Variants in PALM2AKAP2 observed in about 807,000 individuals in gnomAD.
PALM2AKAP2 encodes the protein PALM2-AKAP2 fusion protein.
PALM2AKAP2 carries 37 observed loss-of-function variants against 71.5 expected under a neutral mutation model. That is an observed-to-expected ratio of 0.52 (90% CI 0.40 to 0.68). The LOEUF (loss-of-function observed/expected upper bound fraction) is 0.68, where lower values mean the gene tolerates loss of function less well. PALM2AKAP2 is among the 30% of genes least tolerant of loss of function. PALM2AKAP2 has a pLI of 0.00. For synonymous variants in PALM2AKAP2, 468 were observed against 478.8 expected (o/e 0.98, Z 0.29); for missense variants, 1,224 against 1,191.8 (o/e 1.03, Z -0.40).
chr9:110,162,439 A>AT (rs1370214361), intron 3 of PALM2AKAP2, among the ~76,000 whole-genome samples: 1 of 152,158 alleles, frequency 6.6e-6, no homozygotes. Context: ...GTGATGGGCT[A>AT]TTTTGGTTTT....
At chr9:109,667,262 C>A (rs973962851) in intron 1 of PALM2AKAP2, among the ~76,000 whole-genome samples, 9 of 152,174 alleles carry the variant, frequency 5.9e-5, no homozygotes, top group Non-Finnish European at 1.2e-4. Context: ...ATAAAAAGAA[C>A]AGCTATCCCC....
rs191982979 is a variant in PALM2AKAP2 at position 109,874,308 on chromosome 9, G to T, written c.127-6243G>T. ...TGGATCAGTGGCACCTGATGATTTT[G>T]TAAATCCTATTTGAGCAAAAAAGAA... On this transcript the variant is annotated intron_variant, in intron 2 of 9. Coordinates refer to the PALM2AKAP2 transcript ENST00000302798. 2.1e-3 allele frequency among the ~76,000 whole-genome samples: 327 copies of T among 152,304 alleles called. 2 individuals are homozygous for T. The highest frequency in any genetic ancestry group is 7.6e-3 in the African/African-American group (314 of 41,576).
At chr9:110,023,275 C>T (rs1219676901) in intron 7 of PALM2AKAP2, among the ~76,000 whole-genome samples, 1 of 144,444 alleles carries the variant, frequency 6.9e-6, no homozygotes, top group Non-Finnish European at 1.5e-5. Flanking sequence ...CCCATTCTAA[C>T]TGGTGTGAGA....
chr9:110,073,087 A>G (rs904065545), intron 1 of PALM2AKAP2, among the ~76,000 whole-genome samples: 4 of 152,242 alleles, frequency 2.6e-5, no homozygotes, highest in African/African-American at 7.2e-5. Context: ...CTTGCCAGGT[A>G]TAAGAAAAGA....
intron 1 of PALM2AKAP2, among the ~76,000 whole-genome samples, chr9:109,775,160 A>G (rs1419951584): frequency 2.6e-5 from 4 of 151,984 alleles, no homozygotes; most frequent in South Asian, 2.1e-4. Context: ...ATTCCCGTAC[A>G]CTCTCCTTAT....
intron 6 of PALM2AKAP2, among the ~76,000 whole-genome samples, chr9:109,968,955 CAGAG>C (rs916931518): frequency 8.5e-5 from 13 of 152,248 alleles, no homozygotes; most frequent in Middle Eastern, 3.4e-3. Context: ...GTGACACAGA[CAGAG>C]AGACTGTGGT....
intron 1 of PALM2AKAP2, among the ~76,000 whole-genome samples, chr9:110,053,588 A>G (rs987769155): frequency 1.3e-5 from 2 of 151,704 alleles, no homozygotes; most frequent in Admixed American, 6.6e-5. Flanking sequence ...AAAAAGAGAC[A>G]TGTAACGGGA....
chr9:109,916,914 C>A (rs997563901), intron 3 of PALM2AKAP2, among the ~76,000 whole-genome samples: 1 of 152,144 alleles, frequency 6.6e-6, no homozygotes, highest in Non-Finnish European at 1.5e-5. Context: ...AATAATGGAC[C>A]CCCAGAGATG....
intron 6 of PALM2AKAP2, among the ~76,000 whole-genome samples, chr9:109,959,100 A>G (rs1479009976): frequency 6.6e-6 from 1 of 152,144 alleles, no homozygotes; most frequent in African/African-American, 2.4e-5. Context: ...CCCCTATTCT[A>G]GATGTTTTCT....
intron 1 of PALM2AKAP2, among the ~76,000 whole-genome samples, chr9:109,767,051 C>T (rs1335235293): frequency 1.3e-5 from 2 of 152,132 alleles, no homozygotes; most frequent in African/African-American, 2.4e-5. Context: ...CTCAAAACAC[C>T]GATATGAGTT....
At chr9:109,955,921 G>A (rs942551294) in intron 6 of PALM2AKAP2, among the ~76,000 whole-genome samples, 5 of 151,258 alleles carry the variant, frequency 3.3e-5, no homozygotes, top group Non-Finnish European at 7.4e-5. Flanking sequence ...TGGCAACACA[G>A]CAAGACTCCT....
At chr9:110,017,292 T>C (rs10980148) in intron 7 of PALM2AKAP2, among the ~76,000 whole-genome samples, 10,722 of 152,220 alleles carry the variant, frequency 0.07, 390 homozygotes, top group Middle Eastern at 0.17. Context: ...TTACAAATGG[T>C]AGAGAAAGCA....
intron 1 of PALM2AKAP2, among the ~76,000 whole-genome samples, chr9:110,056,265 C>T (rs1356387831): frequency 6.6e-6 from 1 of 152,232 alleles, no homozygotes; most frequent in Non-Finnish European, 1.5e-5. Flanking sequence ...ACTGCGTCAG[C>T]TTACATTACC....
intron 1 of PALM2AKAP2, among the ~76,000 whole-genome samples, chr9:109,742,263 A>G (rs1198747044): frequency 5.5e-5 from 1 of 18,280 alleles, no homozygotes; most frequent in African/African-American, 5.3e-4. Flanking sequence ...ACACACACAC[A>G]CACACACACA....
chr9:109,940,965 A>T (rs1029477768), intron 6 of PALM2AKAP2, among the ~76,000 whole-genome samples: 2 of 152,020 alleles, frequency 1.3e-5, no homozygotes. Flanking sequence ...TTTTTGTATA[A>T]ATGGCCAGAT....
At chr9:109,919,840 A>G (rs1830786848) in intron 3 of PALM2AKAP2, among the ~76,000 whole-genome samples, 1 of 152,050 alleles carries the variant, frequency 6.6e-6, no homozygotes, top group Non-Finnish European at 1.5e-5. Context: ...GCTAACTAAC[A>G]CGCCCTCAAA....
At chr9:109,686,113 C>G (rs1321396288) in intron 1 of PALM2AKAP2, among the ~76,000 whole-genome samples, 1 of 152,132 alleles carries the variant, frequency 6.6e-6, no homozygotes, top group East Asian at 1.9e-4. Context: ...AATTTGAGTT[C>G]TCTTGCTATT....
chr9:109,910,669 G>A (rs887522406), intron 3 of PALM2AKAP2, among the ~76,000 whole-genome samples: 2 of 152,316 alleles, frequency 1.3e-5, no homozygotes, highest in South Asian at 2.1e-4. Context: ...AGGAGCAGAC[G>A]CAGCAGGGCA....
At chr9:109,951,394 G>A (rs1425504798) in intron 6 of PALM2AKAP2, among the ~76,000 whole-genome samples, 1 of 152,192 alleles carries the variant, frequency 6.6e-6, no homozygotes, top group Non-Finnish European at 1.5e-5. Flanking sequence ...CACTACCAGC[G>A]ACAGCTGATG....
Sources: gnomAD v4.1 joint callset for allele counts (sites outside exome capture counted in the v4.1 genomes callset) on GRCh38, gnomAD v4.1.1 for gene constraint, MANE v1.5 for transcripts, NCBI Gene and HGNC (gene_info 2026-07-23, HGNC 2026-07-21) for gene names.